ULK4: variants seen among roughly 807,000 people sequenced by gnomAD.
The protein encoded by ULK4 is unc-51 like kinase 4, also known as inactive serine/threonine-protein kinase ULK4.
A neutral mutation model predicts 160.6 loss-of-function variants in ULK4; 133 were observed. The ratio of observed to expected loss-of-function variants is 0.83; its 90% CI spans 0.72 to 0.96. The LOEUF (loss-of-function observed/expected upper bound fraction) is 0.96, where lower values mean the gene tolerates loss of function less well. Among genes scored for constraint, ULK4 ranks in the 40% least tolerant of loss-of-function variants. The probability of loss-of-function intolerance (pLI) is 0.00; values close to 1 mark genes in which losing one functional copy is unlikely to be tolerated. For missense variants in ULK4, 1,580 were observed against 1,499.5 expected (o/e 1.05, Z -0.89); for synonymous variants, 534 against 539.8 (o/e 0.99, Z 0.15).
intron 35 of ULK4, among the ~76,000 whole-genome samples, chr3:41,375,818 G>C (rs141116540): frequency 0.014 from 2,109 of 150,138 alleles, 38 homozygotes; most frequent in Non-Finnish European, 0.018. Flanking sequence ...CATAGCCAAA[G>C]AAACTAGCAT....
At chr3:41,614,703 C>T (rs2032872519) in intron 31 of ULK4, among the ~76,000 whole-genome samples, 1 of 152,214 alleles carries the variant, frequency 6.6e-6, no homozygotes, top group African/African-American at 2.4e-5. Flanking sequence ...AGCAAATCCA[C>T]TCAGCTCTCC....
At chr3:41,693,016 G>C (rs2036362091) in intron 27 of ULK4, among the ~76,000 whole-genome samples, 1 of 152,198 alleles carries the variant, frequency 6.6e-6, no homozygotes, top group Non-Finnish European at 1.5e-5. Flanking sequence ...AATAGTAAAT[G>C]CATTGGAAAT....
Position 41,359,391 on chromosome 3 carries a change from T to G in ULK4, c.3678+38688A>C, listed in dbSNP as rs537841855. Among the ~76,000 whole-genome samples, 6 of 152,326 alleles carry G rather than the reference T, an allele frequency of 3.9e-5. No homozygotes were observed. The South Asian group carries it at 1.2e-3, about 32-fold the overall frequency. On this transcript the variant is annotated intron_variant, in intron 35 of 36. Coordinates refer to ENST00000301831, the MANE Select transcript of ULK4 (RefSeq NM_017886.4). ...ACCCAGATGGAGAGGAGTAGCAGTC[T>G]TAGGACCCAATCTTCAGGCAGGCAC...
intron 31 of ULK4, among the ~76,000 whole-genome samples, chr3:41,597,118 C>G (rs967876148): frequency 6.6e-6 from 1 of 152,164 alleles, no homozygotes; most frequent in Non-Finnish European, 1.5e-5. Flanking sequence ...TGTGAGGACC[C>G]CTGTTTTCAC....
At chr3:41,690,376 G>A (rs966775016) in intron 27 of ULK4, among the ~76,000 whole-genome samples, 6 of 151,066 alleles carry the variant, frequency 4.0e-5, no homozygotes, top group South Asian at 2.1e-4. Context: ...CACCAGCATG[G>A]CACATGTATA....
chr3:41,754,432 T>C lies in ULK4; in HGVS notation c.2250A>G (p.Ala750=). Residue 750 remains alanine (A), a synonymous_variant, in exon 22 of 37, where the codon GCA becomes GCG. Transcript: ENST00000301831. ...TATATAGAAGAACCAGGAAGGCTTTTGCTCTAATGCATGTTGAGGGGCTGT... is the reference window on the plus strand; with the variant it reads ...TATATAGAAGAACCAGGAAGGCTTTCGCTCTAATGCATGTTGAGGGGCTGT... ...LLDSPSTCIR[A]KAFLVLLYIL... 4 of 1,613,920 alleles carry C rather than the reference T, an allele frequency of 2.5e-6. No individual in the cohort carries two copies. In the South Asian group the frequency reaches 3.3e-5, roughly 13 times the overall value.
At chr3:41,251,936 C>A (rs2078750372) in intron 35 of ULK4, among the ~76,000 whole-genome samples, 1 of 152,134 alleles carries the variant, frequency 6.6e-6, no homozygotes. Flanking sequence ...TTGGCCTCAC[C>A]CCCAACCTGT....
intron 17 of ULK4, among the ~76,000 whole-genome samples, chr3:41,862,443 G>A (rs1430754729): frequency 1.3e-5 from 2 of 152,134 alleles, no homozygotes; most frequent in African/African-American, 2.4e-5. Context: ...TTTCCTGGAT[G>A]GTGTTGATGT....
At chr3:41,858,800 T>C (rs1286869135) in intron 17 of ULK4, among the ~76,000 whole-genome samples, 3 of 147,914 alleles carry the variant, frequency 2.0e-5, no homozygotes, top group African/African-American at 7.5e-5. Flanking sequence ...CCACAGTTCC[T>C]GGCCCAAATT....
At chr3:41,640,365 G>A (rs543202796) in intron 30 of ULK4, among the ~76,000 whole-genome samples, 3 of 152,118 alleles carry the variant, frequency 2.0e-5, no homozygotes, top group Admixed American at 6.5e-5. Context: ...ATCACACTCC[G>A]AGAGCCCAGG....
chr3:41,835,635 T>C (rs991468600), intron 18 of ULK4, among the ~76,000 whole-genome samples: 4 of 152,096 alleles, frequency 2.6e-5, no homozygotes, highest in African/African-American at 7.2e-5. Context: ...ACCACCTACA[T>C]TCTAAAGGAA....
At chr3:41,572,271 A>AT (rs1459356511) in intron 31 of ULK4, among the ~76,000 whole-genome samples, 1 of 152,110 alleles carries the variant, frequency 6.6e-6, no homozygotes, top group Non-Finnish European at 1.5e-5. Context: ...ACTCCAGGTT[A>AT]ACCAACACCA....
intron 21 of ULK4, among the ~76,000 whole-genome samples, chr3:41,775,168 A>G (rs1232692836): frequency 2.0e-5 from 3 of 150,186 alleles, no homozygotes; most frequent in Non-Finnish European, 4.4e-5. Flanking sequence ...ACATGTATAC[A>G]TATGTAACAA....
rs956396170 is a variant in ULK4 at position 41,344,058 on chromosome 3, T to A, written c.3678+54021A>T. Among the ~76,000 whole-genome samples the A allele has an allele frequency of 2.0e-5, 3 of 152,292 alleles. No homozygotes were observed. The South Asian group carries it at 6.2e-4, about 32-fold the overall frequency. On this transcript the variant is annotated intron_variant, in intron 35 of 36. Transcript: ENST00000301831. ...CAAAAGAACAAAGCTGGAGGCATCA[T>A]GCTACCTGACTTCAAACTACACTAC...
intron 35 of ULK4, among the ~76,000 whole-genome samples, chr3:41,387,891 T>G (rs1358549043): frequency 6.6e-6 from 1 of 152,216 alleles, no homozygotes; most frequent in Non-Finnish European, 1.5e-5. Context: ...ATATACCCAG[T>G]AATGGGATGG....
chr3:41,541,057 G>T (rs533832088), intron 32 of ULK4, among the ~76,000 whole-genome samples: 39 of 152,032 alleles, frequency 2.6e-4, no homozygotes, highest in Admixed American at 2.2e-3. Flanking sequence ...GTCAATTTTC[G>T]CTTTTGTTGC....
At chr3:41,357,385 G>T (rs1300663842) in intron 35 of ULK4, among the ~76,000 whole-genome samples, 2 of 152,156 alleles carry the variant, frequency 1.3e-5, no homozygotes, top group Non-Finnish European at 2.9e-5. Context: ...CTGTGAGGAT[G>T]TGTTCATGGC....
chr3:41,823,270 C>T (rs975309158), intron 18 of ULK4, among the ~76,000 whole-genome samples: 1 of 152,026 alleles, frequency 6.6e-6, no homozygotes. Flanking sequence ...AGAAGCATGG[C>T]ATAGTGGGTT....
chr3:41,827,689 G>C (rs761069022), intron 18 of ULK4, among the ~76,000 whole-genome samples: 18 of 152,176 alleles, frequency 1.2e-4, no homozygotes, highest in Non-Finnish European at 1.9e-4. Context: ...TTCAGGACTA[G>C]ATGGATTCAC....
Sources: gnomAD v4.1 joint callset for allele counts (sites outside exome capture counted in the v4.1 genomes callset) on GRCh38, gnomAD v4.1.1 for gene constraint, MANE v1.5 for transcripts, NCBI Gene and HGNC (gene_info 2026-07-23, HGNC 2026-07-21) for gene names.